Variants in VWA5A observed in about 807,000 individuals in gnomAD.
VWA5A encodes the protein von Willebrand factor A domain-containing protein 5A.
In VWA5A, 77 loss-of-function variants were observed where a neutral mutation model predicts 84.6. The ratio of observed to expected loss-of-function variants is 0.91; its 90% CI spans 0.76 to 1.10. VWA5A has a LOEUF of 1.10. VWA5A is among the 50% of genes least tolerant of loss of function. The pLI is 0.00. For missense variants in VWA5A, 973 were observed against 963.0 expected, an observed-to-expected ratio of 1.01 and a Z score of -0.14; for synonymous variants, 334 against 350.1, an observed-to-expected ratio of 0.95 and a Z score of 0.51.
rs1217662774 is a variant in VWA5A, at chr11:124,136,502, C to G, written c.1525-72C>G. On this transcript the variant is annotated intron_variant, in intron 13 of 18. Coordinates refer to ENST00000456829, the MANE Select transcript of VWA5A (RefSeq NM_001130142.2). ...TCATACATTGTTTTGGGTACCTGCC[C>G]CTGTTCTGATCCTTCCATGGATGAT... 12 of 1,518,288 alleles carry G rather than the reference C, an allele frequency of 7.9e-6. No homozygotes were observed. In the Admixed American group the frequency reaches 2.0e-4, roughly 26 times the overall value. The allele number at this position is 1,518,288 out of a possible 1,614,324, so 94.1% of individuals were successfully genotyped here.
In VWA5A at chr11:124,118,696, G is replaced by A; in HGVS notation, c.633G>A (p.Lys211=). The A allele has an allele frequency of 6.2e-7, 1 of 1,613,776 alleles. No homozygotes were observed. Among genetic ancestry groups the A allele is most frequent in the Non-Finnish European group, 8.5e-7 (1 of 1,179,886 alleles). The change falls in exon 6 of 19, where the codon AAG becomes AAA. Residue 211 remains lysine (K), a synonymous_variant. Transcript: ENST00000456829. ...LSPTEYLGED[K]TSAQVSLAAG... is the part of the protein sequence containing the mutation. ...CTACCGAGTACCTAGGAGAGGACAA[G>A]ACTTCTGCTCAGGTAGTTAATGAGA...
In VWA5A at chr11:124,118,855, C is replaced by T. The variant is rs1290130316; in HGVS notation, c.646-120C>T. The stretch of plus-strand genomic sequence containing the variant: ...TCATTTAATCTCCAGAGCCTTCTCT[C>T]CAGCCTCACCTCTGTTCCTAGTCAT... On this transcript the variant is annotated intron_variant, in intron 6 of 18. Coordinates refer to ENST00000456829, the MANE Select transcript of VWA5A (RefSeq NM_001130142.2). 9.0e-6 allele frequency: 12 copies of T among 1,339,618 alleles called. No individual in the cohort carries two copies. In the Admixed American group the frequency reaches 2.3e-4, roughly 25 times the overall value. 83.0% of individuals were successfully genotyped at this position (1,339,618 alleles called of 1,614,324 possible). A position where few individuals can be genotyped will look rare whatever the true frequency, so the allele number is the denominator to read the frequency against.
In VWA5A at chr11:124,118,223, G is replaced by A. The variant is rs768890403; in HGVS notation, c.281G>A (p.Gly94Asp). Reference sequence around the variant, plus strand: ...AACTATGAGAAAGCCATCTCCCAGGGCCACCAGGCCTTCTTATTGGAGGGG... The same window carrying A: ...AACTATGAGAAAGCCATCTCCCAGGACCACCAGGCCTTCTTATTGGAGGGG... ...RTNYEKAISQ[G>D]HQAFLLEGDS... The change falls in exon 5 of 19, where the codon GGC becomes GAC. Residue 94 changes from glycine to aspartate, a missense_variant. Gly to Asp is a moderately conservative substitution (Grantham distance 94). Coordinates refer to ENST00000456829, the MANE Select transcript of VWA5A (RefSeq NM_001130142.2). 2.5e-6 allele frequency: 4 copies of A among 1,614,100 alleles called. No homozygotes were observed. The highest frequency in any genetic ancestry group is 3.4e-6 in the Non-Finnish European group (4 of 1,180,006).
intron 11 of VWA5A, among the ~76,000 whole-genome samples, chr11:124,130,686 G>A (rs925968112): frequency 3.3e-5 from 5 of 152,086 alleles, no homozygotes; most frequent in African/African-American, 1.2e-4. Flanking sequence ...TATATATTTA[G>A]GATAGTTAGC....
intron 4 of VWA5A, 112 bp downstream of exon 4, chr11:124,117,987 G>A (rs997072840): frequency 1.7e-5 from 24 of 1,386,722 alleles, no homozygotes; most frequent in Non-Finnish European, 2.4e-5. Flanking sequence ...ACATGCTGAT[G>A]TTGAAAGCTC....
At chr11:124,126,281 G>A (rs536540038) in intron 11 of VWA5A, among the ~76,000 whole-genome samples, 10 of 152,174 alleles carry the variant, frequency 6.6e-5, no homozygotes, top group African/African-American at 9.6e-5. Context: ...GAAACCTATT[G>A]GTATATTGGC....
In VWA5A at chr11:124,117,710, C is replaced by T. The variant is rs760006750; in HGVS notation, c.81C>T (p.Tyr27=). 1.5e-5 allele frequency: 24 copies of T among 1,614,044 alleles called. No homozygotes were observed. Among genetic ancestry groups the T allele is most frequent in the South Asian group, 1.4e-4 (13 of 91,090 alleles). The change falls in exon 4 of 19, where the codon TAC becomes TAT. Residue 27 remains tyrosine, a synonymous_variant. Transcript: ENST00000456829. The part of the protein sequence containing the change: ...LKSISVSVNI[Y]EFVAGVSATL... The stretch of plus-strand genomic sequence containing the variant: ...GTATCTCTGTGAGCGTGAACATTTA[C>T]GAGTTTGTGGCTGGTGTGTCTGCAA...
rs56021459 is a variant in VWA5A at position 124,120,314 on chromosome 11, C to T, written c.760+1225C>T. ...GTGTTCTTGGGGCCTTCCTGGGCTG[C>T]CATGCTTCTGAGTTTCGGTGACACA... On this transcript the variant is annotated intron_variant, in intron 7 of 18. Transcript: ENST00000456829. Among the ~76,000 whole-genome samples, 1,329 of 152,244 alleles carry T rather than the reference C, an allele frequency of 8.7e-3. 22 individuals are homozygous for T. The highest frequency in any genetic ancestry group is 0.03 in the African/African-American group (1,253 of 41,516).
In VWA5A at chr11:124,142,470, G is replaced by A. The variant is rs1860748336; in HGVS notation, c.2052G>A (p.Leu684=). 6.2e-7 allele frequency: 1 copy of A among 1,614,044 alleles called. No individual in the cohort carries two copies. Among genetic ancestry groups the A allele is most frequent in the Admixed American group, 1.7e-5 (1 of 60,000 alleles). ...PGFGENHLVQ[L]IYHQNANGSW... is the part of the protein sequence containing the mutation. ...TTGGAGAGAATCACCTTGTGCAGCTGATTTACCACCAAAATGCAAATGGTT... is the reference window on the plus strand; with the variant it reads ...TTGGAGAGAATCACCTTGTGCAGCTAATTTACCACCAAAATGCAAATGGTT... The change falls in exon 17 of 19, where the codon CTG becomes CTA. Residue 684 remains leucine (L), a synonymous_variant. Transcript: ENST00000456829.
At chr11:124,139,629 G>T (rs1860687306) in intron 15 of VWA5A, among the ~76,000 whole-genome samples, 1 of 150,740 alleles carries the variant, frequency 6.6e-6, no homozygotes, top group South Asian at 2.1e-4. Flanking sequence ...AATGACTTTT[G>T]TATGTTGATT....
rs968359546 is a variant in VWA5A, at chr11:124,147,268, T to C, written c.*1323T>C. ...GAATACCACTGTAGAATCCTGACCA[T>C]ACCCTTAAATAGTTATGTGATGATG... On this transcript the variant is annotated 3_prime_UTR_variant, in exon 19 of 19. Transcript: ENST00000456829. 2.0e-5 allele frequency: 3 copies of C among 152,230 alleles called. No homozygotes were observed. The highest frequency in any genetic ancestry group is 7.2e-5 in the African/African-American group (3 of 41,458). 9.4% of individuals were successfully genotyped at this position (152,230 alleles called of 1,614,324 possible).
intron 11 of VWA5A, among the ~76,000 whole-genome samples, chr11:124,134,650 GATTTCTTAA>G (rs942301458): frequency 1.3e-5 from 2 of 152,166 alleles, no homozygotes; most frequent in Admixed American, 1.3e-4. Context: ...ATCTTGGAAA[GATTTCTTAA>G]ATTTCCTGGG....
Position 124,142,506 on chromosome 11 carries a change from G to A in VWA5A, c.2088G>A (p.Leu696=). 6.2e-7 allele frequency: 1 copy of A among 1,614,154 alleles called. No individual in the cohort carries two copies. The stretch of plus-strand genomic sequence containing the variant: ...AAAATGCAAATGGTTCCTGGGATCT[G>A]AATGAAGATCTAGCCAAGATCCTAG... ...YHQNANGSWD[L]NEDLAKILGM... Residue 696 remains leucine, a synonymous_variant, in exon 17 of 19, where the codon CTG becomes CTA. Coordinates refer to ENST00000456829, the MANE Select transcript of VWA5A (RefSeq NM_001130142.2).
At position 124,123,679 on chromosome 11, in the gene VWA5A, C is replaced by A. The variant is rs756535308; in HGVS notation, c.1039C>A (p.Gln347Lys). ...TCTCAGGGAGAGTGTGAAGTACACT[C>A]AGCAAACAATGGAGGAGGCTCTGGG... is the stretch of plus-strand genomic sequence containing the variant. ...ACFPESVKYT[Q>K]QTMEEALGRV... The change falls in exon 10 of 19, where the codon CAG becomes AAG. Residue 347 changes from glutamine to lysine, a missense_variant. Gln to Lys is a moderately conservative substitution (Grantham distance 53). Transcript: ENST00000456829. 9 of 1,614,056 alleles carry A rather than the reference C, an allele frequency of 5.6e-6. No individual in the cohort carries two copies. The highest frequency in any genetic ancestry group is 6.8e-6 in the Non-Finnish European group (8 of 1,180,004).
chr11:124,124,690 A>G, intron 11 of VWA5A: 1 of 456,344 alleles, frequency 2.2e-6, no homozygotes, highest in African/African-American at 2.1e-5. Context: ...CACATAGGTA[A>G]AAACTGGAAT....
At chr11:124,123,279 G>T in intron 8 of VWA5A, 87 bp from the exon 9 acceptor site, 2 of 1,512,862 alleles carry the variant, frequency 1.3e-6, no homozygotes, top group East Asian at 2.3e-5. Context: ...GTGGGGGATG[G>T]CCCACATCCT....
chr11:124,142,639 G>T (rs1422282428), intron 17 of VWA5A, 67 bp downstream of exon 17: 1 of 1,592,328 alleles, frequency 6.3e-7, no homozygotes, highest in Non-Finnish European at 8.6e-7. Context: ...GAATTGAGGT[G>T]ATTCAGGACC....
intron 17 of VWA5A, among the ~76,000 whole-genome samples, chr11:124,143,129 C>T (rs1240310865): frequency 2.6e-5 from 4 of 152,224 alleles, no homozygotes; most frequent in East Asian, 1.9e-4. Context: ...CTCTTCATAC[C>T]GATGAAAGTG....
At position 124,136,262 on chromosome 11, in the gene VWA5A, T is replaced by G. The variant is rs751542370; in HGVS notation, c.1493T>G (p.Ile498Ser). 13 of 1,614,156 alleles carry G rather than the reference T, an allele frequency of 8.1e-6. No individual in the cohort carries two copies. Among genetic ancestry groups the G allele is most frequent in the Non-Finnish European group, 1.1e-5 (13 of 1,180,002 alleles). Residue 498 changes from isoleucine (I) to serine (S), a missense_variant, in exon 13 of 19, where the codon ATC (isoleucine) becomes AGC (serine). Coordinates refer to ENST00000456829, the MANE Select transcript of VWA5A (RefSeq NM_001130142.2). The stretch of plus-strand genomic sequence containing the variant: ...GTCATCTTTAGGGGTCAGAGATTAA[T>G]CAGCTATGCCCAGCTGACCGGGAGG... ...QTVIFRGQRL[I>S]SYAQLTGRMP...
Sources: gnomAD v4.1 joint callset for allele counts (sites outside exome capture counted in the v4.1 genomes callset) on GRCh38, gnomAD v4.1.1 for gene constraint, MANE v1.5 for transcripts, NCBI Gene and HGNC (gene_info 2026-07-23, HGNC 2026-07-21) for gene names.